The following CALCOCO1 variants were observed in gnomAD, a reference collection of about 807,000 sequenced individuals.
CALCOCO1 encodes calcium-binding and coiled-coil domain-containing protein 1.
A neutral mutation model predicts 86.3 loss-of-function variants in CALCOCO1; 44 were observed. The ratio of observed to expected loss-of-function variants is 0.51; its 90% CI spans 0.40 to 0.66. The LOEUF (loss-of-function observed/expected upper bound fraction) is 0.66. Among genes scored for constraint, CALCOCO1 ranks in the 30% least tolerant of loss-of-function variants. CALCOCO1 has a pLI of 0.00. For synonymous variants in CALCOCO1, 297 were observed against 327.6 expected (o/e 0.91, Z 1.01); for missense variants, 708 against 851.1 (o/e 0.83, Z 2.09).
In CALCOCO1 at chr12:53,711,893, TGA is replaced by T. The variant is rs1945562579; in HGVS notation, c.*49_*50del. ...TGAAACCTAAGTGTATGCATGTGTGTGAGTGTGTGTGTGCATGAGTGTGTATT... is the reference window on the plus strand; with the variant it reads ...TGAAACCTAAGTGTATGCATGTGTGTGTGTGTGTGTGCATGAGTGTGTATT... On this transcript the variant is annotated 3_prime_UTR_variant, in exon 15 of 15. Transcript: ENST00000550804. The T allele has an allele frequency of 1.4e-6, 2 of 1,439,318 alleles. No individual in the cohort carries two copies. The highest frequency in any genetic ancestry group is 5.0e-5 in the East Asian group (2 of 40,166). The allele number at this position is 1,439,318 out of a possible 1,614,324, so 89.2% of individuals were successfully genotyped here.
intron 7 of CALCOCO1, 138 bp from the exon 8 acceptor site, chr12:53,716,553 C>T (rs1442824335): frequency 2.4e-6 from 2 of 847,858 alleles, no homozygotes; most frequent in South Asian, 1.7e-5. Flanking sequence ...ATTGCCAGCC[C>T]TTCTTGGGTT....
intron 2 of CALCOCO1, 55 bp downstream of exon 2, chr12:53,725,032 T>G: frequency 6.6e-7 from 1 of 1,506,860 alleles, no homozygotes; most frequent in Non-Finnish European, 8.9e-7. Flanking sequence ...TCATTCCCCT[T>G]ATTCCAACCA....
At chr12:53,721,150 C>T (rs1945856383) in intron 6 of CALCOCO1, among the ~76,000 whole-genome samples, 1 of 152,198 alleles carries the variant, frequency 6.6e-6, no homozygotes, top group Non-Finnish European at 1.5e-5. Context: ...ATCTGAAATC[C>T]ATCCTCTCTT....
chr12:53,712,734 T>G, intron 14 of CALCOCO1: 3 of 1,142,854 alleles, frequency 2.6e-6, no homozygotes, highest in Middle Eastern at 2.5e-4. Context: ...CTGGGGGCCA[T>G]GGTCACCTCC....
rs1945553226 is a variant in CALCOCO1 at position 53,711,634 on chromosome 12, G to C, written c.*310C>G. 3.1e-6 allele frequency: 1 copy of C among 321,652 alleles called. No homozygotes were observed. Among genetic ancestry groups the C allele is most frequent in the Non-Finnish European group, 5.7e-6 (1 of 176,794 alleles). 19.9% of individuals were successfully genotyped at this position (321,652 alleles called of 1,614,324 possible). A position where few individuals can be genotyped will look rare whatever the true frequency, so the allele number is the denominator to read the frequency against. ...GTGGCTGTGTATCAGAAGCAACCAG[G>C]GCTAGGAGTGGACGATTCTATTCCC... On this transcript the variant is annotated 3_prime_UTR_variant, in exon 15 of 15. Coordinates refer to ENST00000550804, the MANE Select transcript of CALCOCO1 (RefSeq NM_020898.3).
chr12:53,712,404 G>A (rs1232504750), intron 14 of CALCOCO1: 1 of 366,484 alleles, frequency 2.7e-6, no homozygotes, highest in Non-Finnish European at 5.0e-6. Context: ...GCTGCCTAAT[G>A]AGGCTGAAAA....
rs1451991258 is a variant in CALCOCO1, at chr12:53,711,175, C to G, written c.*769G>C. The stretch of plus-strand genomic sequence containing the variant: ...CAAAGGGATGGATATCAGGGGGAAG[C>G]TTTTATTGCTGTGGGGGGACCTGGA... On this transcript the variant is annotated 3_prime_UTR_variant, in exon 15 of 15. Transcript: ENST00000550804. The G allele has an allele frequency of 9.0e-5, 36 of 398,360 alleles. No individual in the cohort carries two copies. Among genetic ancestry groups the G allele is most frequent in the Non-Finnish European group, 1.6e-4 (36 of 225,912 alleles). 24.7% of individuals were successfully genotyped at this position (398,360 alleles called of 1,614,324 possible).
intron 1 of CALCOCO1, 69 bp from the exon 2 acceptor site, chr12:53,725,335 C>T: frequency 9.8e-7 from 1 of 1,016,902 alleles, no homozygotes; most frequent in African/African-American, 1.7e-5. Context: ...GCTCCAGCAC[C>T]ACACACTCAC....
intron 6 of CALCOCO1, 73 bp downstream of exon 6, chr12:53,721,394 C>A (rs969356859): frequency 2.7e-5 from 38 of 1,385,476 alleles, no homozygotes; most frequent in Non-Finnish European, 3.5e-5. Context: ...GGTCTGCTTG[C>A]CTGAGAGAGG....
Position 53,713,132 on chromosome 12 carries a change from A to G in CALCOCO1, c.1866T>C (p.Pro622=). ...TGTCATAGAAGGCACTGCCCAGTTCAGGAAGCAGTAAGTTGGCCTCCTCAC... is the reference window on the plus strand; with the variant it reads ...TGTCATAGAAGGCACTGCCCAGTTCGGGAAGCAGTAAGTTGGCCTCCTCAC... ...SGGEEANLLL[P]ELGSAFYDMA... is the part of the protein sequence containing the mutation. Residue 622 remains proline (P), a synonymous_variant, in exon 14 of 15, where the codon CCT becomes CCC. Coordinates refer to ENST00000550804, the MANE Select transcript of CALCOCO1 (RefSeq NM_020898.3). The G allele has an allele frequency of 6.2e-7, 1 of 1,614,160 alleles. No individual in the cohort carries two copies. Among genetic ancestry groups the G allele is most frequent in the Non-Finnish European group, 8.5e-7 (1 of 1,180,006 alleles).
At chr12:53,712,895 A>G in intron 14 of CALCOCO1, 2 of 1,451,210 alleles carry the variant, frequency 1.4e-6, no homozygotes, top group Non-Finnish European at 1.9e-6. Context: ...GAGTGCATTG[A>G]TAAGATAGGG....
intron 14 of CALCOCO1, 124 bp from the exon 15 acceptor site, chr12:53,712,245 C>T: frequency 1.3e-6 from 1 of 748,978 alleles, no homozygotes; most frequent in East Asian, 2.8e-5. Context: ...AATGCAGCAT[C>T]CTGGCCTCTC....
chr12:53,714,715 G>A (rs1051526959), intron 10 of CALCOCO1, 22 bp from the exon 11 acceptor site: 1 of 1,569,648 alleles, frequency 6.4e-7, no homozygotes, highest in Non-Finnish European at 8.8e-7. Flanking sequence ...GGGCCCAATG[G>A]AATCTGGAGC....
Position 53,710,029 on chromosome 12 carries a change from G to C in CALCOCO1, c.*1915C>G, listed in dbSNP as rs1282567246. The C allele has an allele frequency of 2.0e-5, 3 of 152,146 alleles. No homozygotes were observed. Among genetic ancestry groups the C allele is most frequent in the Admixed American group, 6.5e-5 (1 of 15,268 alleles). The allele number at this position is 152,146 out of a possible 1,614,324, so 9.4% of individuals were successfully genotyped here. A position where few individuals can be genotyped will look rare whatever the true frequency, so the allele number is the denominator to read the frequency against. ...GGAGAGGGGGGAAGGTAAAAGGAGG[G>C]ATGGGGGGAATCCCAGGCGGGTGAT... On this transcript the variant is annotated 3_prime_UTR_variant, in exon 15 of 15. Transcript: ENST00000550804.
chr12:53,712,774 C>G (rs1018831384), intron 14 of CALCOCO1: 2 of 1,336,968 alleles, frequency 1.5e-6, no homozygotes, highest in South Asian at 1.2e-5. Flanking sequence ...TAGGTACCTA[C>G]CTGGTGGTTG....
intron 14 of CALCOCO1, chr12:53,712,754 C>T (rs750631142): frequency 2.8e-5 from 36 of 1,277,174 alleles, no homozygotes; most frequent in Admixed American, 2.1e-4. Flanking sequence ...CCTTCCTCCC[C>T]GGAGGACCCT....
At chr12:53,715,614 T>A in intron 9 of CALCOCO1, 179 bp downstream of exon 9, 2 of 839,388 alleles carry the variant, frequency 2.4e-6, no homozygotes, top group Non-Finnish European at 3.6e-6. Flanking sequence ...GATACCCCGG[T>A]TAGGGATGGG....
intron 4 of CALCOCO1, 109 bp from the exon 5 acceptor site, chr12:53,722,292 T>C (rs920528402): frequency 2.3e-6 from 3 of 1,296,960 alleles, no homozygotes; most frequent in African/African-American, 2.9e-5. Flanking sequence ...TACATAGCTT[T>C]GGGTTATAAA....
At position 53,721,613 on chromosome 12, in the gene CALCOCO1, C is replaced by A. The variant is rs763323271; in HGVS notation, c.612G>T (p.Gly204=). The change falls in exon 6 of 15, where the codon GGG becomes GGT. Residue 204 remains glycine (G), a splice_region_variant and synonymous_variant. Coordinates refer to ENST00000550804, the MANE Select transcript of CALCOCO1 (RefSeq NM_020898.3). ...EHTELMEQYK[G]ISRSHGEITE... is the part of the protein sequence containing the mutation. ...TGATCTCCCCATGGGACCGGGAAAT[C>A]CCCTGAAATTAAGTTTCCCCCAGAA... is the stretch of plus-strand genomic sequence containing the variant. 1 of 1,613,848 alleles carries A rather than the reference C, an allele frequency of 6.2e-7. No individual in the cohort carries two copies. Among genetic ancestry groups the A allele is most frequent in the South Asian group, 1.1e-5 (1 of 91,044 alleles).
Sources: allele counts gnomAD v4.1 joint callset (sites outside exome capture counted in the v4.1 genomes callset), GRCh38; gene constraint gnomAD v4.1.1; transcripts MANE v1.5; gene names NCBI Gene and HGNC (gene_info 2026-07-23, HGNC 2026-07-21).